NDUFA13: variants seen among roughly 807,000 people sequenced by gnomAD.
The protein encoded by NDUFA13 is NADH:ubiquinone oxidoreductase subunit A13.
Under a neutral mutation model 17.0 loss-of-function variants are expected in NDUFA13, and 16 were observed. That is an observed-to-expected ratio of 0.94 (90% CI 0.64 to 1.43). The LOEUF (loss-of-function observed/expected upper bound fraction) is 1.43. Among genes scored for constraint, NDUFA13 ranks in the 40% most tolerant of loss-of-function variants. NDUFA13 has a pLI of 0.00. For synonymous variants in NDUFA13, 87 were observed against 78.4 expected (o/e 1.11, Z -0.58); for missense variants, 228 against 206.7 (o/e 1.10, Z -0.63).
chr19:19,526,233 G>C lies in NDUFA13; in HGVS notation c.146G>C (p.Ser49Thr). 2 of 1,614,174 alleles carry C rather than the reference G, an allele frequency of 1.2e-6. No homozygotes were observed. Among genetic ancestry groups the C allele is most frequent in the Non-Finnish European group, 1.7e-6 (2 of 1,180,028 alleles). The change falls in exon 2 of 5, where the codon AGC becomes ACC. Residue 49 changes from serine (S) to threonine (T), a missense_variant. By Grantham distance (58) the Ser-to-Thr change is moderately conservative (BLOSUM62 1). Transcript: ENST00000507754. ...GGAACCCTGATCTACGGGCACTGGA[G>C]CATAATGAAGTGGAACCGTGAGCGC... The part of the protein sequence containing the change: ...GIGTLIYGHW[S>T]IMKWNRERRR...
chr19:19,525,933 C>T, intron 1 of NDUFA13: 2 of 1,127,506 alleles, frequency 1.8e-6, no homozygotes, highest in Non-Finnish European at 2.4e-6. Flanking sequence ...TCCAAACAGC[C>T]TTCTAGAACA....
intron 2 of NDUFA13, chr19:19,526,808 C>G: frequency 3.4e-6 from 1 of 290,344 alleles, no homozygotes; most frequent in Non-Finnish European, 6.7e-6. Flanking sequence ...CCAGGCAGGA[C>G]TGGGAGATGG....
chr19:19,521,127 G>C (rs1161417205), intron 1 of NDUFA13, among the ~76,000 whole-genome samples: 1 of 152,128 alleles, frequency 6.6e-6, no homozygotes, highest in African/African-American at 2.4e-5. Flanking sequence ...TTCCAAATTG[G>C]CTGCACCATT....
chr19:19,526,386 C>G (rs2061099813), intron 2 of NDUFA13, 126 bp downstream of exon 2: 1 of 1,028,104 alleles, frequency 9.7e-7, no homozygotes. Flanking sequence ...TGTGCAATCC[C>G]AGGCCCCAGA....
At chr19:19,526,883 C>T (rs138043070) in intron 2 of NDUFA13, among the ~76,000 whole-genome samples, 136 of 152,298 alleles carry the variant, frequency 8.9e-4, no homozygotes, top group Admixed American at 3.1e-3. Flanking sequence ...ATTGTGGCCC[C>T]GCCTGCCCCA....
At chr19:19,527,129 C>T in intron 2 of NDUFA13, 152 bp from the exon 3 acceptor site, 1 of 858,004 alleles carries the variant, frequency 1.2e-6, no homozygotes, top group Non-Finnish European at 1.9e-6. Flanking sequence ...ACAGCCCTTG[C>T]CCTTCCCGCG....
chr19:19,527,526 G>T, intron 3 of NDUFA13, 174 bp downstream of exon 3: 1 of 971,856 alleles, frequency 1.0e-6, no homozygotes, highest in East Asian at 2.6e-5. Context: ...CGAACCGGAA[G>T]GCTTCCTGGA....
intron 1 of NDUFA13, among the ~76,000 whole-genome samples, chr19:19,524,915 G>A (rs1431880913): frequency 2.0e-5 from 3 of 152,008 alleles, no homozygotes; most frequent in Admixed American, 1.3e-4. Flanking sequence ...CACACACCTG[G>A]GGTCCCAGTT....
At chr19:19,526,322 G>A in intron 2 of NDUFA13, 62 bp downstream of exon 2, 3 of 1,568,876 alleles carry the variant, frequency 1.9e-6, no homozygotes, top group Non-Finnish European at 2.6e-6. Flanking sequence ...GGGTCCTGTA[G>A]CATTCCGCTG....
rs755038242 is a variant in NDUFA13, at chr19:19,516,316, G to T, written c.78G>T (p.Pro26=). 6.2e-7 allele frequency: 1 copy of T among 1,613,656 alleles called. No individual in the cohort carries two copies. The highest frequency in any genetic ancestry group is 1.7e-5 in the Admixed American group (1 of 60,018). The change falls in exon 1 of 5, where the codon CCG becomes CCT. Residue 26 remains proline (P), a synonymous_variant. Transcript: ENST00000507754. ...YGPIDYKRNL[P]RRGLSGYSML... ...CCATCGACTACAAACGGAACTTGCC[G>T]CGTCGAGGACTGTCGGGTCAGTATC... is the stretch of plus-strand genomic sequence containing the variant.
chr19:19,519,405 C>G (rs913682681), intron 1 of NDUFA13, among the ~76,000 whole-genome samples: 2 of 152,284 alleles, frequency 1.3e-5, no homozygotes, highest in South Asian at 2.1e-4. Context: ...GCAGTGGCCC[C>G]CCCTGTGCCA....
chr19:19,518,558 T>G (rs1429926368), intron 1 of NDUFA13, among the ~76,000 whole-genome samples: 2 of 147,904 alleles, frequency 1.4e-5, no homozygotes, highest in Non-Finnish European at 3.0e-5. Flanking sequence ...GGTTGTTGTT[T>G]TTTGTGTGTG....
chr19:19,526,153 G>A, intron 1 of NDUFA13, 29 bp from the exon 2 acceptor site: 1 of 1,611,302 alleles, frequency 6.2e-7, no homozygotes, highest in Non-Finnish European at 8.5e-7. Flanking sequence ...GGGGCGGGCT[G>A]GCCCGCTGAG....
intron 1 of NDUFA13, among the ~76,000 whole-genome samples, chr19:19,517,503 T>C (rs947632590): frequency 1.3e-5 from 2 of 151,184 alleles, no homozygotes; most frequent in Non-Finnish European, 3.0e-5. Context: ...TGAGCTACCG[T>C]GCTCGGCAGA....
chr19:19,516,314 C>T lies in NDUFA13; in HGVS notation c.76C>T (p.Pro26Ser), dbSNP rs761042781. The change falls in exon 1 of 5, where the codon CCG (proline) becomes TCG (serine). Residue 26 changes from proline to serine, a missense_variant. By Grantham distance (74) the Pro-to-Ser change is moderately conservative. Transcript: ENST00000507754. ...YGPIDYKRNL[P>S]RRGLSGYSML... is the part of the protein sequence containing the mutation. ...GCCCATCGACTACAAACGGAACTTG[C>T]CGCGTCGAGGACTGTCGGGTCAGTA... is the stretch of plus-strand genomic sequence containing the variant. 2 of 1,613,722 alleles carry T rather than the reference C, an allele frequency of 1.2e-6. No homozygotes were observed. Among genetic ancestry groups the T allele is most frequent in the Admixed American group, 1.7e-5 (1 of 60,018 alleles).
At position 19,528,046 on chromosome 19, in the gene NDUFA13, C is replaced by G. The variant is rs1046423856; in HGVS notation, c.355C>G (p.Pro119Ala). The G allele has an allele frequency of 1.2e-6, 2 of 1,612,408 alleles. No homozygotes were observed. The highest frequency in any genetic ancestry group is 1.7e-5 in the Admixed American group (1 of 59,974). ...GTTCCACACAACCCGCTGGGTGCCC[C>G]CCTTGATCGGGGAGCTGTACGGGCT... Reference protein sequence around the residue: ...SVFHTTRWVPPLIGELYGLRT... With the variant: ...SVFHTTRWVPALIGELYGLRT... The change falls in exon 5 of 5, where the codon CCC becomes GCC. Residue 119 changes from proline to alanine, a missense_variant. Pro to Ala is a conservative substitution (Grantham distance 27). Transcript: ENST00000507754.
At chr19:19,527,162 G>GCCAACCC in intron 2 of NDUFA13, 119 bp from the exon 3 acceptor site, 1 of 837,464 alleles carries the variant, frequency 1.2e-6, no homozygotes, top group Non-Finnish European at 1.8e-6. Context: ...CCCCCTGCCT[G>GCCAACCC]CCTCCCCGCC....
rs922570526 is a variant in NDUFA13, at chr19:19,525,413, C to T, written c.95-769C>T. On this transcript the variant is annotated intron_variant, in intron 1 of 4. Transcript: ENST00000507754. ...GCAGGCATAGAGCAGGGCCAGTGCC[C>T]TGGAGGCCTGGAGATGGCCTTGCCT... is the stretch of plus-strand genomic sequence containing the variant. Among the ~76,000 whole-genome samples, 8 of 152,378 alleles carry T rather than the reference C, an allele frequency of 5.3e-5. 1 individual carries two copies. Among genetic ancestry groups the T allele is most frequent in the Admixed American group, 6.5e-5 (1 of 15,308 alleles).
In NDUFA13 at chr19:19,519,092, T is replaced by C. The variant is rs189482229; in HGVS notation, c.94+2760T>C. On this transcript the variant is annotated intron_variant, in intron 1 of 4. Coordinates refer to ENST00000507754, the MANE Select transcript of NDUFA13 (RefSeq NM_015965.7). ...TTTTAGTAGTGACAGGGTTTCACCA[T>C]GTAGGCCAGGCTGGTCTCGAACTCC... Among the ~76,000 whole-genome samples, 1,151 of 146,090 alleles carry C rather than the reference T, an allele frequency of 7.9e-3. 5 individuals carry two copies. Among genetic ancestry groups the C allele is most frequent in the Non-Finnish European group, 0.011 (760 of 67,344 alleles).
Sources: gnomAD v4.1 joint callset for allele counts (sites outside exome capture counted in the v4.1 genomes callset) on GRCh38, gnomAD v4.1.1 for gene constraint, MANE v1.5 for transcripts, NCBI Gene and HGNC (gene_info 2026-07-23, HGNC 2026-07-21) for gene names.